HIVEP3: variants seen among roughly 807,000 people sequenced by gnomAD.
The protein encoded by HIVEP3 is transcription factor HIVEP3.
HIVEP3 carries 49 observed loss-of-function variants against 152.8 expected under a neutral mutation model. The ratio of observed to expected loss-of-function variants is 0.32; its 90% CI spans 0.26 to 0.41. The LOEUF (loss-of-function observed/expected upper bound fraction) is 0.41. Among genes scored for constraint, HIVEP3 ranks in the 10% least tolerant of loss-of-function variants. The pLI, the probability that HIVEP3 is intolerant of heterozygous loss-of-function variation, is 1.00. For synonymous variants in HIVEP3, 1,269 were observed against 1,289.0 expected (o/e 0.98, Z 0.33); for missense variants, 2,790 against 3,103.3 (o/e 0.90, Z 2.40).
At chr1:42,012,860 TA>T (rs1423326603) in intron 1 of HIVEP3, among the ~76,000 whole-genome samples, 1 of 152,068 alleles carries the variant, frequency 6.6e-6, no homozygotes, top group Non-Finnish European at 1.5e-5. Context: ...GAGAAAGAAA[TA>T]TCTGTTGTTT....
chr1:41,585,316 C>G lies in HIVEP3; in HGVS notation c.-519G>C, dbSNP rs1167827851. On this transcript the variant is annotated splice_region_variant and 5_prime_UTR_variant, in exon 4 of 9. Coordinates refer to ENST00000372583, the MANE Select transcript of HIVEP3 (RefSeq NM_024503.5). ...GCCTTGGAGGAGAAATCACGCTCTT[C>G]TTCTGTGTGATAGATGTACACACAC... 8 of 398,936 alleles carry G rather than the reference C, an allele frequency of 2.0e-5. No individual in the cohort carries two copies. Among genetic ancestry groups the G allele is most frequent in the East Asian group, 1.1e-4 (3 of 28,082 alleles). The allele number at this position is 398,936 out of a possible 1,614,324, so 24.7% of individuals were successfully genotyped here.
chr1:41,740,168 T>C (rs1458419309), intron 1 of HIVEP3, among the ~76,000 whole-genome samples: 1 of 152,202 alleles, frequency 6.6e-6, no homozygotes, highest in Admixed American at 6.5e-5. Flanking sequence ...GATGAAGATG[T>C]GGGCGCTGGC....
At chr1:41,659,539 G>A (rs1645680062) in intron 2 of HIVEP3, among the ~76,000 whole-genome samples, 1 of 152,204 alleles carries the variant, frequency 6.6e-6, no homozygotes, top group Non-Finnish European at 1.5e-5. Flanking sequence ...CTGGATGTTG[G>A]CCTGGGTCAT....
At chr1:41,755,640 A>C (rs1400614818) in intron 1 of HIVEP3, among the ~76,000 whole-genome samples, 1 of 151,970 alleles carries the variant, frequency 6.6e-6, no homozygotes, top group Non-Finnish European at 1.5e-5. Flanking sequence ...ACAATAAACA[A>C]TCTAATTAGA....
At chr1:41,715,667 C>T (rs1047937189) in intron 1 of HIVEP3, among the ~76,000 whole-genome samples, 5 of 152,192 alleles carry the variant, frequency 3.3e-5, no homozygotes, top group African/African-American at 7.2e-5. Flanking sequence ...GTCCCCAGGC[C>T]GGCTTTGCTG....
intron 1 of HIVEP3, among the ~76,000 whole-genome samples, chr1:41,762,214 A>G (rs1234021278): frequency 6.6e-6 from 1 of 152,132 alleles, no homozygotes; most frequent in Non-Finnish European, 1.5e-5. Flanking sequence ...TGGGGGACCA[A>G]CCTCACATCC....
At chr1:41,605,108 TAAA>T (rs76841605) in intron 3 of HIVEP3, among the ~76,000 whole-genome samples, 5 of 83,964 alleles carry the variant, frequency 6.0e-5, no homozygotes, top group Non-Finnish European at 1.0e-4. Flanking sequence ...CTGTCTCCAA[TAAA>T]AAAAAAAAAA....
rs12072565 is a variant in HIVEP3, at chr1:41,850,463, A to G, written c.-801+67950T>C. 1.6e-3 allele frequency among the ~76,000 whole-genome samples: 246 copies of G among 152,340 alleles called. 3 individuals carry two copies. Among genetic ancestry groups the G allele is most frequent in the African/African-American group, 5.6e-3 (234 of 41,578 alleles). On this transcript the variant is annotated intron_variant, in intron 1 of 8. Coordinates refer to ENST00000372583, the MANE Select transcript of HIVEP3 (RefSeq NM_024503.5). ...TAAGCTTAGAGAGGGTAACTTGCAC[A>G]CAGAAACAATGAAACAATCAATAGA...
chr1:41,958,843 C>G (rs1645154322), intron 1 of HIVEP3, among the ~76,000 whole-genome samples: 1 of 152,148 alleles, frequency 6.6e-6, no homozygotes, highest in African/African-American at 2.4e-5. Flanking sequence ...GATGGTGGGT[C>G]AGGGGCTTGG....
intron 1 of HIVEP3, among the ~76,000 whole-genome samples, chr1:41,845,757 A>C (rs1643426263): frequency 6.6e-6 from 1 of 152,188 alleles, no homozygotes; most frequent in Non-Finnish European, 1.5e-5. Context: ...TTACCTGTCA[A>C]GTATGTTTAA....
At chr1:41,798,708 A>C (rs375752446) in intron 1 of HIVEP3, among the ~76,000 whole-genome samples, 1 of 152,084 alleles carries the variant, frequency 6.6e-6, no homozygotes, top group South Asian at 2.1e-4. Context: ...TAAATAATCT[A>C]TTGTGTGTTT....
Position 41,727,069 on chromosome 1 carries a change from G to A in HIVEP3, c.-800-26074C>T, listed in dbSNP as rs1451899686. Among the ~76,000 whole-genome samples, 5 of 152,234 alleles carry A rather than the reference G, an allele frequency of 3.3e-5. No homozygotes were observed. In the East Asian group the frequency reaches 7.7e-4, roughly 23 times the overall value. ...CTTTGGCCAGGTGTGGGCGCCCAGTGTTGGGGGAGAAGACTGCAGGCACAG... is the reference window on the plus strand; with the variant it reads ...CTTTGGCCAGGTGTGGGCGCCCAGTATTGGGGGAGAAGACTGCAGGCACAG... On this transcript the variant is annotated intron_variant, in intron 1 of 8. Transcript: ENST00000372583.
chr1:41,829,848 A>C (rs770097509), intron 1 of HIVEP3, among the ~76,000 whole-genome samples: 37 of 151,742 alleles, frequency 2.4e-4, no homozygotes, highest in Admixed American at 5.9e-4. Flanking sequence ...TAATTTCCTC[A>C]CCTGTAAAGC....
intron 1 of HIVEP3, among the ~76,000 whole-genome samples, chr1:42,003,825 C>G (rs566950526): frequency 1.3e-5 from 2 of 150,402 alleles, no homozygotes; most frequent in Non-Finnish European, 1.5e-5. Flanking sequence ...CTCAAGAGTA[C>G]AGTAAAGAGA....
At position 41,932,326 on chromosome 1, in the gene HIVEP3, A is replaced by G. The variant is rs183893931; in HGVS notation, n.120-13802T>C. Among the ~76,000 whole-genome samples, 278 of 151,564 alleles carry G rather than the reference A, an allele frequency of 1.8e-3. 1 individual carries two copies. Among genetic ancestry groups the G allele is most frequent in the African/African-American group, 6.2e-3 (257 of 41,384 alleles). ...TTTTGTTTGTTTGTTTGTTTTTGGAAGGCTTTTAACTATAACTTCAATTTC... is the reference window on the plus strand; with the variant it reads ...TTTTGTTTGTTTGTTTGTTTTTGGAGGGCTTTTAACTATAACTTCAATTTC... On this transcript the variant is annotated intron_variant and non_coding_transcript_variant, in intron 1 of 3. Coordinates refer to the HIVEP3 transcript ENST00000489103.
At chr1:41,823,952 A>T (rs1399341967) in intron 1 of HIVEP3, among the ~76,000 whole-genome samples, 2 of 152,236 alleles carry the variant, frequency 1.3e-5, no homozygotes, top group Non-Finnish European at 2.9e-5. Flanking sequence ...AAGTCTGGTT[A>T]CTTGCTATTT....
At chr1:41,862,621 T>TTGCCTCC (rs1368737751) in intron 1 of HIVEP3, among the ~76,000 whole-genome samples, 1 of 152,140 alleles carries the variant, frequency 6.6e-6, no homozygotes, top group Non-Finnish European at 1.5e-5. Context: ...CCCTCCAAGC[T>TTGCCTCC]TGCCTCCTGC....
At chr1:42,017,498 C>A (rs576459249) in intron 1 of HIVEP3, among the ~76,000 whole-genome samples, 1 of 152,088 alleles carries the variant, frequency 6.6e-6, no homozygotes, top group African/African-American at 2.4e-5. Flanking sequence ...TAACCACTAT[C>A]CTGATTTCTA....
Position 41,583,733 on chromosome 1 carries a change from TTCAGGTTTATGGCTCAGGGGGTGC to T in HIVEP3, c.1041_1064del (p.His348_Glu355del). 6.2e-7 allele frequency: 1 copy of T among 1,603,828 alleles called. No individual in the cohort carries two copies. The highest frequency in any genetic ancestry group is 8.5e-7 in the Non-Finnish European group (1 of 1,174,730). On this transcript the variant is annotated inframe_deletion, in exon 4 of 9. Transcript: ENST00000372583. The surrounding 1 kb of genome is among the most constrained non-coding windows in gnomAD (Gnocchi z 6.9). ...GCTTCTGCTTAATCGTGTGGGTGTCTTCAGGTTTATGGCTCAGGGGGTGCTCAGATGAGGGTTCCACAAATGGAG... is the reference window on the plus strand; with the variant it reads ...GCTTCTGCTTAATCGTGTGGGTGTCTTCAGATGAGGGTTCCACAAATGGAG...
Sources: allele counts gnomAD v4.1 joint callset (sites outside exome capture counted in the v4.1 genomes callset), GRCh38; gene constraint gnomAD v4.1.1; non-coding constraint Gnocchi (gnomAD v3.1); transcripts MANE v1.5; gene names NCBI Gene and HGNC (gene_info 2026-07-23, HGNC 2026-07-21).